ARSB: variants seen among roughly 807,000 people sequenced by gnomAD.
ARSB encodes the protein arylsulfatase B, also known as N-acetylgalactosamine-4-sulfatase.
Under a neutral mutation model 50.9 loss-of-function variants are expected in ARSB, and 41 were observed. The ratio of observed to expected loss-of-function variants is 0.81; its 90% CI spans 0.63 to 1.04. The LOEUF (loss-of-function observed/expected upper bound fraction) is 1.04. Ranked by LOEUF, ARSB falls within the 50% of genes least tolerant of loss-of-function variation. The pLI is 0.00. For missense variants in ARSB, 672 were observed against 693.3 expected (o/e 0.97, Z 0.35); for synonymous variants, 269 against 284.8 (o/e 0.94, Z 0.56).
chr5:78,834,414 C>T (rs1342647239), intron 6 of ARSB, among the ~76,000 whole-genome samples: 1 of 151,662 alleles, frequency 6.6e-6, no homozygotes, highest in Non-Finnish European at 1.5e-5. Context: ...TCCCCACAAC[C>T]TCAGGCAACC....
intron 6 of ARSB, among the ~76,000 whole-genome samples, chr5:78,814,644 C>A (rs1743925726): frequency 6.6e-6 from 1 of 150,812 alleles, no homozygotes; most frequent in South Asian, 2.1e-4. Context: ...TTCTGTAGCA[C>A]CCACTGTTGG....
intron 4 of ARSB, among the ~76,000 whole-genome samples, chr5:78,941,497 G>T (rs1750920794): frequency 6.6e-6 from 1 of 152,188 alleles, no homozygotes. Flanking sequence ...ATGAAGGGTT[G>T]TTGAATTTTG....
chr5:78,853,926 G>T (rs1745999572), intron 5 of ARSB, among the ~76,000 whole-genome samples: 1 of 152,238 alleles, frequency 6.6e-6, no homozygotes, highest in Non-Finnish European at 1.5e-5. Flanking sequence ...TGCAGTATTA[G>T]GGTGGGAGTG....
chr5:78,823,177 G>C (rs1240937370), intron 6 of ARSB, among the ~76,000 whole-genome samples: 1 of 152,092 alleles, frequency 6.6e-6, no homozygotes, highest in Non-Finnish European at 1.5e-5. Context: ...TTTTATTTTT[G>C]GGAGGTGAGA....
At chr5:78,923,622 G>A (rs1215312467) in intron 4 of ARSB, among the ~76,000 whole-genome samples, 1 of 152,224 alleles carries the variant, frequency 6.6e-6, no homozygotes, top group Non-Finnish European at 1.5e-5. Flanking sequence ...CTGAAAAACA[G>A]AGAATAACAT....
intron 1 of ARSB, among the ~76,000 whole-genome samples, chr5:78,977,130 C>G (rs934692332): frequency 6.6e-6 from 1 of 152,006 alleles, no homozygotes; most frequent in South Asian, 2.1e-4. Context: ...TTAAATTCAC[C>G]TTACTTGTTT....
intron 6 of ARSB, among the ~76,000 whole-genome samples, chr5:78,791,746 A>G (rs2112632374): frequency 6.6e-6 from 1 of 152,370 alleles, no homozygotes; most frequent in South Asian, 2.1e-4. Context: ...ATAATCGTGG[A>G]CCTAAAAATA....
chr5:78,901,047 G>GAAAA lies in ARSB; in HGVS notation c.899-15224_899-15221dup, dbSNP rs71001135. 1.6e-3 allele frequency among the ~76,000 whole-genome samples: 185 copies of GAAAA among 115,194 alleles called. 3 individuals are homozygous for GAAAA. The highest frequency in any genetic ancestry group is 5.8e-3 in the African/African-American group (166 of 28,842). The allele number at this position is 115,194 out of a possible 152,430, so 75.6% of individuals were successfully genotyped here. Reference sequence around the variant, plus strand: ...GCGACAGAGCAAGACTCCGTCTCAGGAAAAAAAAAAAAAAAAAAAGTCATC... The same window carrying GAAAA: ...GCGACAGAGCAAGACTCCGTCTCAGGAAAAAAAAAAAAAAAAAAAAAAAGTCATC... On this transcript the variant is annotated intron_variant, in intron 4 of 7. Coordinates refer to ENST00000264914, the MANE Select transcript of ARSB (RefSeq NM_000046.5).
Position 78,885,790 on chromosome 5 carries a change from C to T in ARSB, c.936G>A (p.Trp312Ter), listed in dbSNP as rs759384989. 8.1e-6 allele frequency: 13 copies of T among 1,614,160 alleles called. No individual in the cohort carries two copies. The highest frequency in any genetic ancestry group is 1.1e-5 in the Non-Finnish European group (13 of 1,180,030). ...GGQTLAGGNNWPLRGRKWSLW... is the reference protein window; with the variant it reads ...GGQTLAGGNN ...GGCTCCATTTTCTTCCTCGAAGGGGCCAGTTATTACCCCCTGCCAAAGTCT... is the reference window on the plus strand; with the variant it reads ...GGCTCCATTTTCTTCCTCGAAGGGGTCAGTTATTACCCCCTGCCAAAGTCT... The change falls in exon 5 of 8, where the codon TGG becomes TGA. Residue 312 changes from tryptophan to a stop codon, truncating the protein, a stop_gained. Transcript: ENST00000264914. LOFTEE classifies it high-confidence loss of function.
In ARSB at chr5:78,781,911, T is replaced by TTAA; in HGVS notation, c.1274_1276dup (p.Phe425_Asn426insIle). 1.2e-6 allele frequency: 2 copies of TTAA among 1,614,156 alleles called. No homozygotes were observed. The highest frequency in any genetic ancestry group is 1.7e-6 in the Non-Finnish European group (2 of 1,179,984). Reference sequence around the variant, plus strand: ...TCTAATTGCAGCATGGACAGATGTGTTAAAGGCTGAATATTCTGGAAGAGA... The same window carrying TTAA: ...TCTAATTGCAGCATGGACAGATGTGTTAATAAAGGCTGAATATTCTGGAAGAGA... On this transcript the variant is annotated inframe_insertion, in exon 7 of 8. Coordinates refer to ENST00000264914, the MANE Select transcript of ARSB (RefSeq NM_000046.5).
chr5:78,984,732 G>C (rs1753072969), intron 1 of ARSB, among the ~76,000 whole-genome samples: 1 of 152,010 alleles, frequency 6.6e-6, no homozygotes, highest in Non-Finnish European at 1.5e-5. Context: ...TCCGCGGGGC[G>C]CCAGAGCCGG....
At chr5:78,942,571 G>T (rs542799953) in intron 4 of ARSB, among the ~76,000 whole-genome samples, 1 of 152,288 alleles carries the variant, frequency 6.6e-6, no homozygotes, top group East Asian at 1.9e-4. Context: ...GGGTTGTTCG[G>T]TTTCCATGTA....
intron 6 of ARSB, 137 bp downstream of exon 6, chr5:78,839,219 A>G (rs1745081219): frequency 2.5e-6 from 2 of 784,354 alleles, no homozygotes; most frequent in African/African-American, 3.5e-5. Flanking sequence ...GATGAGCGGG[A>G]GATATGTCCC....
At chr5:78,798,840 CTGG>C (rs999567343) in intron 6 of ARSB, among the ~76,000 whole-genome samples, 1 of 152,136 alleles carries the variant, frequency 6.6e-6, no homozygotes, top group African/African-American at 2.4e-5. Context: ...CTGAAGCTGG[CTGG>C]TGTTCTTCCA....
chr5:78,978,312 C>G (rs945915144), intron 1 of ARSB, among the ~76,000 whole-genome samples: 1 of 140,884 alleles, frequency 7.1e-6, no homozygotes, highest in Admixed American at 7.4e-5. Context: ...GCCTGGGCAA[C>G]AGAGCAGAGT....
chr5:78,960,919 T>C (rs1751955169), intron 3 of ARSB, among the ~76,000 whole-genome samples: 1 of 152,202 alleles, frequency 6.6e-6, no homozygotes, highest in African/African-American at 2.4e-5. Flanking sequence ...TTTCAGTCTG[T>C]AGTGTCACTA....
At chr5:78,953,493 T>C (rs1364061202) in intron 4 of ARSB, among the ~76,000 whole-genome samples, 3 of 152,238 alleles carry the variant, frequency 2.0e-5, no homozygotes, top group Non-Finnish European at 4.4e-5. Flanking sequence ...GTCCCACACA[T>C]AGTAACTGCT....
intron 5 of ARSB, among the ~76,000 whole-genome samples, chr5:78,868,411 A>G (rs1277743818): frequency 1.0e-5 from 1 of 99,064 alleles, no homozygotes; most frequent in Non-Finnish European, 2.1e-5. Context: ...GCAGCCAGAG[A>G]GAAAGGTCGG....
At chr5:78,943,469 A>C (rs1017284959) in intron 4 of ARSB, among the ~76,000 whole-genome samples, 13 of 152,150 alleles carry the variant, frequency 8.5e-5, no homozygotes, top group African/African-American at 2.9e-4. Flanking sequence ...GCAGGGCAGG[A>C]CTGGTGGTGA....
Sources: allele counts gnomAD v4.1 joint callset (sites outside exome capture counted in the v4.1 genomes callset), GRCh38; gene constraint gnomAD v4.1.1; transcripts MANE v1.5; gene names NCBI Gene and HGNC (gene_info 2026-07-23, HGNC 2026-07-21).